PTPRM: variants seen among roughly 807,000 people sequenced by gnomAD.
PTPRM encodes the protein receptor-type tyrosine-protein phosphatase mu.
A neutral mutation model predicts 186.7 loss-of-function variants in PTPRM; 47 were observed. The ratio of observed to expected loss-of-function variants is 0.25; its 90% CI spans 0.20 to 0.32. The LOEUF is 0.32. Ranked by LOEUF, PTPRM falls within the 10% of genes least tolerant of loss-of-function variation. The pLI is 1.00. For missense variants in PTPRM, 1,494 were observed against 1,865.0 expected, an observed-to-expected ratio of 0.80 and a Z score of 3.66; for synonymous variants, 668 against 674.9, an observed-to-expected ratio of 0.99 and a Z score of 0.16.
chr18:8,280,443 G>A (rs2094890656), intron 19 of PTPRM, among the ~76,000 whole-genome samples: 1 of 151,676 alleles, frequency 6.6e-6, no homozygotes, highest in African/African-American at 2.4e-5. Flanking sequence ...CTGTGACACT[G>A]AGAAATCATA....
chr18:8,214,224 A>G (rs937019448), intron 14 of PTPRM, among the ~76,000 whole-genome samples: 5 of 152,172 alleles, frequency 3.3e-5, no homozygotes, highest in Non-Finnish European at 7.4e-5. Flanking sequence ...GTAACCAAAA[A>G]CCACTTGTTC....
At chr18:8,034,098 A>G (rs2086174054) in intron 7 of PTPRM, among the ~76,000 whole-genome samples, 1 of 152,052 alleles carries the variant, frequency 6.6e-6, no homozygotes, top group South Asian at 2.1e-4. Flanking sequence ...CATGTAATCT[A>G]GGATGATCTC....
At chr18:7,988,282 T>A (rs1484770670) in intron 7 of PTPRM, among the ~76,000 whole-genome samples, 1 of 152,164 alleles carries the variant, frequency 6.6e-6, no homozygotes, top group Non-Finnish European at 1.5e-5. Flanking sequence ...CTTTCAATGA[T>A]CTGAAGTTTT....
chr18:8,350,807 A>G (rs2095530385), intron 23 of PTPRM, among the ~76,000 whole-genome samples: 1 of 152,128 alleles, frequency 6.6e-6, no homozygotes, highest in African/African-American at 2.4e-5. Context: ...CAGACAAAGT[A>G]TTTGCCATTT....
At chr18:7,883,614 C>T (rs2048616475) in intron 2 of PTPRM, among the ~76,000 whole-genome samples, 1 of 152,148 alleles carries the variant, frequency 6.6e-6, no homozygotes, top group Non-Finnish European at 1.5e-5. Flanking sequence ...TGGATAGAAA[C>T]GTCACCTTTT....
chr18:8,188,845 C>T (rs2093674557), intron 14 of PTPRM, among the ~76,000 whole-genome samples: 1 of 152,010 alleles, frequency 6.6e-6, no homozygotes, highest in Admixed American at 6.6e-5. Context: ...CCTGACATCA[C>T]CAGAGATGAT....
intron 1 of PTPRM, among the ~76,000 whole-genome samples, chr18:7,768,006 TTACC>T (rs1453418984): frequency 1.3e-5 from 2 of 152,194 alleles, no homozygotes; most frequent in African/African-American, 4.8e-5. Context: ...GGGGGATTCA[TTACC>T]TATCCTTTTA....
chr18:8,264,123 C>T (rs1277727181), intron 19 of PTPRM, among the ~76,000 whole-genome samples: 1 of 152,110 alleles, frequency 6.6e-6, no homozygotes, highest in African/African-American at 2.4e-5. Context: ...TTGATGTCCA[C>T]TGGAGAGTTG....
chr18:8,142,986 GT>G (rs2092799866), intron 13 of PTPRM, among the ~76,000 whole-genome samples: 1 of 152,108 alleles, frequency 6.6e-6, no homozygotes, highest in Admixed American at 6.6e-5. Context: ...TAAGACCCTG[GT>G]TATCTCATTT....
chr18:8,287,292 G>A (rs893000120), intron 19 of PTPRM, among the ~76,000 whole-genome samples: 1 of 152,206 alleles, frequency 6.6e-6, no homozygotes, highest in African/African-American at 2.4e-5. Flanking sequence ...ATATTAGAAT[G>A]AGAATAGTAA....
At chr18:8,404,348 A>G (rs915558037) in intron 32 of PTPRM, 12 of 152,128 alleles carry the variant, frequency 7.9e-5, no homozygotes, top group Non-Finnish European at 1.6e-4. Context: ...CGAGGACTGA[A>G]TGTGTCATAA....
At chr18:8,033,402 C>T (rs1000606569) in intron 7 of PTPRM, among the ~76,000 whole-genome samples, 5 of 152,120 alleles carry the variant, frequency 3.3e-5, no homozygotes, top group Non-Finnish European at 5.9e-5. Flanking sequence ...TAAGGATATA[C>T]TCTGAGAATG....
intron 1 of PTPRM, among the ~76,000 whole-genome samples, chr18:7,574,678 A>G (rs1033823958): frequency 2.6e-5 from 4 of 152,258 alleles, no homozygotes; most frequent in African/African-American, 9.6e-5. Context: ...TTGGAATTGT[A>G]ATGTGGAATT....
rs185439902 is a variant in PTPRM, at chr18:7,831,030, G to C, written c.196+56759G>C. Among the ~76,000 whole-genome samples the C allele has an allele frequency of 5.9e-5, 9 of 152,288 alleles. No homozygotes were observed. In the East Asian group the frequency reaches 1.7e-3, roughly 29 times the overall value. ...TAAAAGAAGGGGTTAAATATATTTT[G>C]TGATGTTCCAGAATTGTGTTCAGGC... is the stretch of plus-strand genomic sequence containing the variant. On this transcript the variant is annotated intron_variant, in intron 2 of 32. Transcript: ENST00000580170.
chr18:8,256,048 CA>C (rs2094571735), intron 19 of PTPRM, among the ~76,000 whole-genome samples: 1 of 152,184 alleles, frequency 6.6e-6, no homozygotes, highest in African/African-American at 2.4e-5. Flanking sequence ...GAGAATCTGG[CA>C]AATCCTTAAA....
chr18:7,583,072 C>G (rs906665063), intron 1 of PTPRM, among the ~76,000 whole-genome samples: 3 of 152,314 alleles, frequency 2.0e-5, no homozygotes, highest in Admixed American at 2.0e-4. Context: ...AGCCCTATGA[C>G]TACAGAATAG....
At chr18:8,213,425 A>G (rs1363848536) in intron 14 of PTPRM, among the ~76,000 whole-genome samples, 2 of 152,252 alleles carry the variant, frequency 1.3e-5, no homozygotes, top group East Asian at 3.8e-4. Flanking sequence ...CCGTGTTTAT[A>G]CTACTTTTGA....
intron 7 of PTPRM, among the ~76,000 whole-genome samples, chr18:8,046,964 G>A (rs2087107262): frequency 6.6e-6 from 1 of 152,108 alleles, no homozygotes; most frequent in Non-Finnish European, 1.5e-5. Flanking sequence ...AAGCGAGAAG[G>A]TGTCTAGAAC....
intron 7 of PTPRM, among the ~76,000 whole-genome samples, chr18:8,056,529 G>A (rs1402698987): frequency 6.6e-6 from 1 of 152,052 alleles, no homozygotes; most frequent in East Asian, 1.9e-4. Context: ...GGCTGAGGCA[G>A]GAGAATTGCT....
Sources: allele counts gnomAD v4.1 joint callset (sites outside exome capture counted in the v4.1 genomes callset), GRCh38; gene constraint gnomAD v4.1.1; transcripts MANE v1.5; gene names NCBI Gene and HGNC (gene_info 2026-07-23, HGNC 2026-07-21).